Variants in R3HDM2 observed in about 807,000 individuals in gnomAD.
R3HDM2 encodes the protein R3H domain containing 2, also known as R3H domain-containing protein 2.
R3HDM2 carries 38 observed loss-of-function variants against 124.5 expected under a neutral mutation model. The ratio of observed to expected loss-of-function variants is 0.31; its 90% CI spans 0.24 to 0.40. R3HDM2 has a LOEUF of 0.40. Ranked by LOEUF, R3HDM2 falls within the 10% of genes least tolerant of loss-of-function variation. R3HDM2 has a pLI of 1.00. For synonymous variants in R3HDM2, 391 were observed against 448.0 expected (o/e 0.87, Z 1.61); for missense variants, 869 against 1,236.9 (o/e 0.70, Z 4.46).
chr12:57,317,752 G>A (rs932079999), intron 2 of R3HDM2, among the ~76,000 whole-genome samples: 3 of 150,458 alleles, frequency 2.0e-5, no homozygotes, highest in Non-Finnish European at 3.0e-5. Context: ...CGAGACAGGC[G>A]AATCATGAGG....
intron 2 of R3HDM2, among the ~76,000 whole-genome samples, chr12:57,338,540 C>A (rs2059152412): frequency 6.6e-6 from 1 of 152,298 alleles, no homozygotes; most frequent in Non-Finnish European, 1.5e-5. Flanking sequence ...CAGGCGTGAG[C>A]CACCACGCCC....
intron 2 of R3HDM2, among the ~76,000 whole-genome samples, chr12:57,322,874 C>T (rs1213428829): frequency 6.6e-6 from 1 of 151,962 alleles, no homozygotes; most frequent in African/African-American, 2.4e-5. Flanking sequence ...GGGAAGGGTG[C>T]CTAGATCTGA....
chr12:57,286,185 CA>C (rs1322486590), intron 12 of R3HDM2, among the ~76,000 whole-genome samples: 1 of 152,156 alleles, frequency 6.6e-6, no homozygotes, highest in East Asian at 1.9e-4. Context: ...CATGTAAAAT[CA>C]GAGCTGATTA....
At chr12:57,332,900 G>A (rs899586042) in intron 2 of R3HDM2, among the ~76,000 whole-genome samples, 1 of 152,180 alleles carries the variant, frequency 6.6e-6, no homozygotes, top group Admixed American at 6.6e-5. Context: ...AAACTCATGG[G>A]CCTTTGGATA....
At chr12:57,306,347 C>T (rs762093159) in intron 3 of R3HDM2, among the ~76,000 whole-genome samples, 10 of 152,032 alleles carry the variant, frequency 6.6e-5, no homozygotes, top group Middle Eastern at 3.4e-3. Flanking sequence ...CAATATGGTA[C>T]ATTTATCAAA....
chr12:57,314,110 C>T (rs1209107745), intron 2 of R3HDM2, among the ~76,000 whole-genome samples: 1 of 151,714 alleles, frequency 6.6e-6, no homozygotes, highest in Non-Finnish European at 1.5e-5. Flanking sequence ...ATCACTTGAA[C>T]CAGCAAGGTG....
chr12:57,360,006 A>AT (rs2061690333), intron 2 of R3HDM2, among the ~76,000 whole-genome samples: 15 of 117,684 alleles, frequency 1.3e-4, no homozygotes, highest in Non-Finnish European at 1.7e-4. Flanking sequence ...TAAATAAATA[A>AT]ATATATATAT....
chr12:57,289,319 G>T (rs556306117), intron 11 of R3HDM2, among the ~76,000 whole-genome samples: 1 of 152,312 alleles, frequency 6.6e-6, no homozygotes, highest in East Asian at 1.9e-4. Context: ...GAAGAGGAAA[G>T]TATTAACCTA....
intron 14 of R3HDM2, 140 bp downstream of exon 14, chr12:57,280,218 C>A: frequency 1.1e-6 from 1 of 946,140 alleles, no homozygotes; most frequent in Non-Finnish European, 1.5e-6. Context: ...CTACAACTAA[C>A]AAATGAGAAA....
intron 23 of R3HDM2, 115 bp from the exon 24 acceptor site, chr12:57,255,228 G>T: frequency 2.3e-6 from 2 of 855,718 alleles, no homozygotes; most frequent in Non-Finnish European, 3.5e-6. Context: ...GTCTTCAAAA[G>T]CCTGGCCTTT....
At chr12:57,305,704 T>G in intron 3 of R3HDM2, 1 of 398,886 alleles carries the variant, frequency 2.5e-6, no homozygotes, top group Non-Finnish European at 4.4e-6. Flanking sequence ...TACAGTACAT[T>G]AAGTGTACTA....
Position 57,296,653 on chromosome 12 carries a change from G to A in R3HDM2, c.561-102C>T. On this transcript the variant is annotated intron_variant, in intron 8 of 23. Transcript: ENST00000402412. The surrounding 1 kb of genome is among the most constrained non-coding windows in gnomAD (Gnocchi z 4.5). ...AGTGTCTAAAGTGGAAAGTTTCTTA[G>A]GAGAAATAGACATATTATAAGGAAT... The A allele has an allele frequency of 8.2e-7, 1 of 1,216,396 alleles. No individual in the cohort carries two copies. Among genetic ancestry groups the A allele is most frequent in the Non-Finnish European group, 1.1e-6 (1 of 876,246 alleles). 75.4% of individuals were successfully genotyped at this position (1,216,396 alleles called of 1,614,324 possible). A position where few individuals can be genotyped will look rare whatever the true frequency, so the allele number is the denominator to read the frequency against.
At chr12:57,386,158 C>T (rs899904927) in intron 2 of R3HDM2, among the ~76,000 whole-genome samples, 2 of 150,548 alleles carry the variant, frequency 1.3e-5, no homozygotes, top group African/African-American at 4.8e-5. Flanking sequence ...TGGCAGCGCT[C>T]GCAGCCCTCC....
At chr12:57,385,455 A>G (rs1411072840) in intron 2 of R3HDM2, among the ~76,000 whole-genome samples, 12 of 151,664 alleles carry the variant, frequency 7.9e-5, no homozygotes, top group Admixed American at 7.2e-4. Flanking sequence ...TGTTAGCCAG[A>G]ATGGTCTCGA....
chr12:57,361,198 A>C (rs962898481), intron 2 of R3HDM2, among the ~76,000 whole-genome samples: 4 of 151,578 alleles, frequency 2.6e-5, no homozygotes, highest in Admixed American at 2.6e-4. Flanking sequence ...CAACACGGAG[A>C]AACCCCATCT....
At chr12:57,365,275 A>T (rs12582640) in intron 2 of R3HDM2, among the ~76,000 whole-genome samples, 67,689 of 147,620 alleles carry the variant, frequency 0.46, 15,791 homozygotes, top group Middle Eastern at 0.8. Context: ...AAAAAAAAAG[A>T]AAAAAAAAAA....
intron 1 of R3HDM2, among the ~76,000 whole-genome samples, chr12:57,420,870 C>T (rs751682145): frequency 2.2e-4 from 33 of 152,194 alleles, no homozygotes; most frequent in Admixed American, 6.5e-5. Context: ...CCAGTCCCAA[C>T]TTCTCTGACT....
In R3HDM2 at chr12:57,268,350, T is replaced by A. The variant is rs1190547841; in HGVS notation, c.1983A>T (p.Val661=). The change falls in exon 18 of 24, where the codon GTA becomes GTT. Residue 661 remains valine, a synonymous_variant. Transcript: ENST00000402412. ...SVQGGLPAAG[V]PVYYSMIPPA... is the part of the protein sequence containing the mutation. ...GTGGGATCATGCTATAGTACACTGG[T>A]ACCCCCGCTGCTGGGAGGCCTCCTT... 5 of 1,613,970 alleles carry A rather than the reference T, an allele frequency of 3.1e-6. No individual in the cohort carries two copies. Among genetic ancestry groups the A allele is most frequent in the African/African-American group, 1.3e-5 (1 of 74,910 alleles).
chr12:57,332,941 C>T (rs564761425), intron 2 of R3HDM2, among the ~76,000 whole-genome samples: 24 of 152,256 alleles, frequency 1.6e-4, no homozygotes, highest in African/African-American at 5.5e-4. Context: ...CTGTAAATAC[C>T]TAAGTATGAG....
Sources: gnomAD v4.1 joint callset for allele counts (sites outside exome capture counted in the v4.1 genomes callset) on GRCh38, gnomAD v4.1.1 for gene constraint, Gnocchi (gnomAD v3.1) non-coding constraint, MANE v1.5 for transcripts, NCBI Gene and HGNC (gene_info 2026-07-23, HGNC 2026-07-21) for gene names.